WDR41: variants seen among roughly 807,000 people sequenced by gnomAD.
WDR41 encodes the protein WD repeat domain 41.
Under a neutral mutation model 69.3 loss-of-function variants are expected in WDR41, and 63 were observed. The observed-to-expected ratio is 0.91, with a 90% CI of 0.74 to 1.12. WDR41 has a LOEUF of 1.12. Among genes scored for constraint, WDR41 ranks in the 50% most tolerant of loss-of-function variants. The pLI is 0.00. For synonymous variants in WDR41, 185 were observed against 192.1 expected (o/e 0.96, Z 0.31); for missense variants, 543 against 534.5 (o/e 1.02, Z -0.16).
At chr5:77,464,543 A>C (rs535929445) in intron 3 of WDR41, among the ~76,000 whole-genome samples, 37 of 148,996 alleles carry the variant, frequency 2.5e-4, no homozygotes, top group African/African-American at 7.7e-4. Context: ...CACCACACCC[A>C]GCTGGAAAAA....
At chr5:77,525,613 C>T (rs1802434343) in intron 1 of WDR41, among the ~76,000 whole-genome samples, 1 of 152,106 alleles carries the variant, frequency 6.6e-6, no homozygotes, top group African/African-American at 2.4e-5. Context: ...ACTTTTGATC[C>T]CTCAGCCCTC....
chr5:77,436,239 T>C, intron 12 of WDR41, 22 bp downstream of exon 12: 11 of 1,602,194 alleles, frequency 6.9e-6, no homozygotes, highest in Non-Finnish European at 8.5e-6. Flanking sequence ...TGCTTGGACA[T>C]TCTGTGGCTA....
At chr5:77,434,902 C>CT (rs147989927) in intron 12 of WDR41, among the ~76,000 whole-genome samples, 13,961 of 152,118 alleles carry the variant, frequency 0.092, 1,074 homozygotes, top group African/African-American at 0.21. Flanking sequence ...GGGGTTTTCC[C>CT]TACCATCTAA....
chr5:77,572,416 A>G (rs1482004641), intron 1 of WDR41, among the ~76,000 whole-genome samples: 1 of 152,182 alleles, frequency 6.6e-6, no homozygotes, highest in Non-Finnish European at 1.5e-5. Flanking sequence ...GTATTCAGTA[A>G]TTGTTGCTGC....
At chr5:77,534,134 A>G (rs1474609679) in intron 1 of WDR41, among the ~76,000 whole-genome samples, 3 of 152,174 alleles carry the variant, frequency 2.0e-5, no homozygotes, top group Non-Finnish European at 4.4e-5. Flanking sequence ...GTTTAAATAG[A>G]CACTTAAAAA....
At chr5:77,568,112 T>C (rs1265794602) in intron 1 of WDR41, among the ~76,000 whole-genome samples, 7 of 152,104 alleles carry the variant, frequency 4.6e-5, no homozygotes, top group Admixed American at 4.6e-4. Context: ...ATGAAAGTGT[T>C]TGCTTCCAGG....
At chr5:77,485,867 G>A (rs1801494895) in intron 2 of WDR41, among the ~76,000 whole-genome samples, 1 of 151,466 alleles carries the variant, frequency 6.6e-6, no homozygotes, top group African/African-American at 2.4e-5. Context: ...GAGAAAACAA[G>A]AAAATCCTTC....
intron 1 of WDR41, among the ~76,000 whole-genome samples, chr5:77,612,720 T>A (rs1744587988): frequency 6.6e-6 from 1 of 151,892 alleles, no homozygotes; most frequent in Admixed American, 6.6e-5. Context: ...AGCATTCCCT[T>A]TGAAAACTGG....
At chr5:77,473,460 A>G (rs545011791) in intron 2 of WDR41, among the ~76,000 whole-genome samples, 9 of 152,356 alleles carry the variant, frequency 5.9e-5, no homozygotes, top group African/African-American at 2.2e-4. Context: ...TAATTAAACT[A>G]AAGAGCTTCT....
intron 1 of WDR41, among the ~76,000 whole-genome samples, chr5:77,577,847 G>C (rs1029401024): frequency 1.3e-5 from 2 of 152,168 alleles, no homozygotes; most frequent in African/African-American, 4.8e-5. Flanking sequence ...TAAGTCAAAA[G>C]TGCATTTAAT....
At chr5:77,592,511 T>G (rs1744152273) in intron 1 of WDR41, among the ~76,000 whole-genome samples, 1 of 152,208 alleles carries the variant, frequency 6.6e-6, no homozygotes, top group Non-Finnish European at 1.5e-5. Flanking sequence ...TCAGGTTTGA[T>G]GATTCCTTAG....
At chr5:77,601,464 G>T (rs1376537516) in intron 1 of WDR41, among the ~76,000 whole-genome samples, 5 of 152,076 alleles carry the variant, frequency 3.3e-5, no homozygotes, top group Non-Finnish European at 5.9e-5. Flanking sequence ...GTAAAGCAGA[G>T]AAACTATAAA....
At position 77,459,073 on chromosome 5, in the gene WDR41, A is replaced by T. The variant is rs1223724975; in HGVS notation, c.400T>A (p.Ser134Thr). ...RQVQRISCFQ[S>T]TVKCLTVLQR... is the part of the protein sequence containing the mutation. The stretch of plus-strand genomic sequence containing the variant: ...ACTTAAGATTTTACCTTTACAGTAG[A>T]CTGGAAGCATGATATTCTCTGAACT... Residue 134 changes from serine to threonine, a missense_variant, in exon 5 of 13, where the codon TCT (serine) becomes ACT (threonine). Physicochemically the swap from Ser to Thr is moderately conservative, Grantham distance 58. Coordinates refer to ENST00000296679, the MANE Select transcript of WDR41 (RefSeq NM_018268.4). 6.2e-7 allele frequency: 1 copy of T among 1,600,658 alleles called. No individual in the cohort carries two copies. Among genetic ancestry groups the T allele is most frequent in the Non-Finnish European group, 8.5e-7 (1 of 1,170,846 alleles).
chr5:77,555,483 G>T (rs186845226), intron 1 of WDR41, among the ~76,000 whole-genome samples: 1 of 151,908 alleles, frequency 6.6e-6, no homozygotes, highest in South Asian at 2.1e-4. Flanking sequence ...TAATTGTTTT[G>T]GTTTTTAGCA....
chr5:77,577,725 A>G (rs1162850865), intron 1 of WDR41, among the ~76,000 whole-genome samples: 1 of 152,194 alleles, frequency 6.6e-6, no homozygotes, highest in Non-Finnish European at 1.5e-5. Flanking sequence ...AGCTGGGAGA[A>G]GCTCACCTGT....
chr5:77,587,054 C>A (rs1744054550), intron 1 of WDR41, among the ~76,000 whole-genome samples: 1 of 23,244 alleles, frequency 4.3e-5, no homozygotes, highest in Admixed American at 6.0e-4. Context: ...ACTCATGAAA[C>A]CACCACCCAG....
chr5:77,460,246 T>C (rs2151319001), intron 4 of WDR41, among the ~76,000 whole-genome samples: 1 of 152,310 alleles, frequency 6.6e-6, no homozygotes, highest in East Asian at 1.9e-4. Context: ...AAACTGTAAG[T>C]CAAACCACCC....
chr5:77,576,574 T>C (rs182983321), intron 1 of WDR41, among the ~76,000 whole-genome samples: 52 of 152,290 alleles, frequency 3.4e-4, no homozygotes, highest in African/African-American at 1.2e-3. Flanking sequence ...TTGAATCTCT[T>C]TCTCACACCA....
At chr5:77,474,222 G>A (rs1800774082) in intron 2 of WDR41, among the ~76,000 whole-genome samples, 1 of 152,040 alleles carries the variant, frequency 6.6e-6, no homozygotes, top group Non-Finnish European at 1.5e-5. Context: ...ACTCATAGGT[G>A]GGAACTGAAC....
Sources: gnomAD v4.1 joint callset for allele counts (sites outside exome capture counted in the v4.1 genomes callset) on GRCh38, gnomAD v4.1.1 for gene constraint, MANE v1.5 for transcripts, NCBI Gene and HGNC (gene_info 2026-07-23, HGNC 2026-07-21) for gene names.